The following ARMC8 variants were observed in gnomAD, a reference collection of about 807,000 sequenced individuals.
The protein encoded by ARMC8 is armadillo repeat containing 8.
In ARMC8, 20 loss-of-function variants were observed where a neutral mutation model predicts 99.3. The observed-to-expected ratio is 0.20, with a 90% CI of 0.14 to 0.29. The LOEUF (loss-of-function observed/expected upper bound fraction) is 0.29. Ranked by LOEUF, ARMC8 falls within the 10% of genes least tolerant of loss-of-function variation. The pLI is 1.00. For synonymous variants in ARMC8, 263 were observed against 278.3 expected, an observed-to-expected ratio of 0.95 and a Z score of 0.55; for missense variants, 569 against 809.5, an observed-to-expected ratio of 0.70 and a Z score of 3.60.
At chr3:138,216,652 T>C (rs546013305) in intron 2 of ARMC8, among the ~76,000 whole-genome samples, 1 of 152,364 alleles carries the variant, frequency 6.6e-6, no homozygotes, top group South Asian at 2.1e-4. Context: ...GTTGCCCTTA[T>C]TCTAGTTACC....
At chr3:138,222,693 A>C (rs576750545) in intron 3 of ARMC8, among the ~76,000 whole-genome samples, 1 of 152,346 alleles carries the variant, frequency 6.6e-6, no homozygotes, top group East Asian at 1.9e-4. Flanking sequence ...CCTCAAACAT[A>C]TACTTTAGTA....
At chr3:138,266,019 G>A (rs913441051) in intron 14 of ARMC8, among the ~76,000 whole-genome samples, 1 of 152,150 alleles carries the variant, frequency 6.6e-6, no homozygotes, top group African/African-American at 2.4e-5. Flanking sequence ...CTATTTTCTA[G>A]TCTAAACAAG....
intron 19 of ARMC8, chr3:138,287,863 T>G (rs1351612175): frequency 3.4e-6 from 1 of 297,714 alleles, no homozygotes; most frequent in East Asian, 7.9e-5. Flanking sequence ...ACTAGAAATT[T>G]TTTTTATTGA....
intron 3 of ARMC8, among the ~76,000 whole-genome samples, chr3:138,222,798 A>C (rs2045473307): frequency 6.6e-6 from 1 of 152,164 alleles, no homozygotes; most frequent in African/African-American, 2.4e-5. Context: ...TTAGAACATA[A>C]GGTAGATGGT....
intron 6 of ARMC8, among the ~76,000 whole-genome samples, chr3:138,231,760 G>A (rs957944871): frequency 2.0e-5 from 3 of 151,056 alleles, no homozygotes; most frequent in African/African-American, 7.3e-5. Flanking sequence ...CCTGGGCAAC[G>A]TAGTGAGACC....
At chr3:138,213,804 TTTC>T (rs775297618) in intron 2 of ARMC8, among the ~76,000 whole-genome samples, 1 of 152,210 alleles carries the variant, frequency 6.6e-6, no homozygotes, top group African/African-American at 2.4e-5. Flanking sequence ...TTTGTTTTGT[TTTC>T]TTAACATAAC....
chr3:138,236,600 A>G (rs1242158112), intron 7 of ARMC8, among the ~76,000 whole-genome samples: 1 of 152,202 alleles, frequency 6.6e-6, no homozygotes, highest in Non-Finnish European at 1.5e-5. Flanking sequence ...GCATTGCCCA[A>G]GTGAGGGGCA....
intron 10 of ARMC8, among the ~76,000 whole-genome samples, chr3:138,241,119 C>T (rs942808843): frequency 1.3e-5 from 2 of 152,156 alleles, no homozygotes; most frequent in Non-Finnish European, 2.9e-5. Flanking sequence ...GATAAGTTAC[C>T]AAACCATTGC....
In ARMC8 at chr3:138,259,968, C is replaced by T. The variant is rs1321045560; in HGVS notation, c.1135-3771C>T. Among the ~76,000 whole-genome samples the T allele has an allele frequency of 2.6e-5, 4 of 152,154 alleles. No homozygotes were observed. In the East Asian group the frequency reaches 7.7e-4, roughly 29 times the overall value. ...TGGTCCCTGTCATTCCCAAGGTGTTCTTTCTACCATGAAATCAAGCACCAT... is the reference window on the plus strand; with the variant it reads ...TGGTCCCTGTCATTCCCAAGGTGTTTTTTCTACCATGAAATCAAGCACCAT... On this transcript the variant is annotated intron_variant, in intron 12 of 21. Coordinates refer to ENST00000469044, the MANE Select transcript of ARMC8 (RefSeq NM_001363941.2).
intron 1 of ARMC8, among the ~76,000 whole-genome samples, chr3:138,189,932 G>A (rs1258632270): frequency 6.6e-6 from 1 of 152,164 alleles, no homozygotes; most frequent in East Asian, 1.9e-4. Flanking sequence ...ATAAGTAACT[G>A]TTAAACCTCC....
In ARMC8 at chr3:138,234,235, C is replaced by T. The variant is rs188621661; in HGVS notation, c.529-799C>T. On this transcript the variant is annotated intron_variant, in intron 6 of 21. Coordinates refer to ENST00000469044, the MANE Select transcript of ARMC8 (RefSeq NM_001363941.2). ...CAAGCAATTCTCCTGCCTCAGCCTC[C>T]GGAGTAGCTGGGGCTACAGGCATGC... is the stretch of plus-strand genomic sequence containing the variant. Among the ~76,000 whole-genome samples, 11 of 152,176 alleles carry T rather than the reference C, an allele frequency of 7.2e-5. No homozygotes were observed. In the East Asian group the frequency reaches 7.7e-4, roughly 11 times the overall value.
chr3:138,267,832 G>A (rs1274947064), intron 15 of ARMC8, among the ~76,000 whole-genome samples: 2 of 152,120 alleles, frequency 1.3e-5, no homozygotes, highest in Non-Finnish European at 2.9e-5. Flanking sequence ...CCCCTGATCT[G>A]CCCAATTATG....
At chr3:138,242,666 T>C (rs2046683204) in intron 11 of ARMC8, among the ~76,000 whole-genome samples, 1 of 152,194 alleles carries the variant, frequency 6.6e-6, no homozygotes, top group African/African-American at 2.4e-5. Context: ...GAGAGAACAT[T>C]GCCTCTTAAT....
At chr3:138,187,743 G>A (rs1176585566) in intron 1 of ARMC8, 144 bp downstream of exon 1, 2 of 890,956 alleles carry the variant, frequency 2.2e-6, no homozygotes, top group Non-Finnish European at 3.4e-6. Flanking sequence ...GTGAGCGAGG[G>A]TGGAGAGGCG....
At chr3:138,224,881 CA>C (rs1368930296) in intron 5 of ARMC8, among the ~76,000 whole-genome samples, 1 of 152,168 alleles carries the variant, frequency 6.6e-6, no homozygotes, top group African/African-American at 2.4e-5. Flanking sequence ...GAGGAATTTA[CA>C]AGCTATTTTT....
chr3:138,244,820 A>G (rs2046807151), intron 11 of ARMC8, among the ~76,000 whole-genome samples: 1 of 152,238 alleles, frequency 6.6e-6, no homozygotes, highest in South Asian at 2.1e-4. Flanking sequence ...TCAGAGATTC[A>G]CAATGGTTTT....
chr3:138,264,412 CTTTTTTTTTTTTT>C (rs11298899), intron 14 of ARMC8, among the ~76,000 whole-genome samples, 200 bp downstream of exon 14: 2 of 48,630 alleles, frequency 4.1e-5, no homozygotes, highest in African/African-American at 7.7e-5. Flanking sequence ...GATTTTCTTT[CTTTTTTTTTTTTT>C]TTTTTTTTTT....
intron 1 of ARMC8, among the ~76,000 whole-genome samples, chr3:138,203,693 C>T (rs765820904): frequency 3.9e-5 from 6 of 152,138 alleles, no homozygotes; most frequent in African/African-American, 7.2e-5. Context: ...TGCACGAGGG[C>T]GTGAATATCA....
Position 138,296,498 on chromosome 3 carries a change from T to C in ARMC8, c.*606T>C, listed in dbSNP as rs1472096838. On this transcript the variant is annotated 3_prime_UTR_variant, in exon 22 of 22. Transcript: ENST00000469044. ...CAGATGAATATTTGTAAGTAAAAAA[T>C]ATATGCATTTCTGAACCTCAACTTA... The C allele has an allele frequency of 6.6e-6, 1 of 151,764 alleles. No individual in the cohort carries two copies. The highest frequency in any genetic ancestry group is 1.5e-5 in the Non-Finnish European group (1 of 68,002). The allele number at this position is 151,764 out of a possible 1,614,324, so 9.4% of individuals were successfully genotyped here. A position where few individuals can be genotyped will look rare whatever the true frequency, so the allele number is the denominator to read the frequency against.
Sources: gnomAD v4.1 joint callset for allele counts (sites outside exome capture counted in the v4.1 genomes callset) on GRCh38, gnomAD v4.1.1 for gene constraint, MANE v1.5 for transcripts, NCBI Gene and HGNC (gene_info 2026-07-23, HGNC 2026-07-21) for gene names.